GABRA5: variants seen among roughly 807,000 people sequenced by gnomAD.
The protein encoded by GABRA5 is gamma-aminobutyric acid receptor subunit alpha-5.
A neutral mutation model predicts 47.3 loss-of-function variants in GABRA5; 18 were observed. That is an observed-to-expected ratio of 0.38 (90% CI 0.26 to 0.56). The LOEUF (loss-of-function observed/expected upper bound fraction) is 0.56, where lower values mean the gene tolerates loss of function less well. Among genes scored for constraint, GABRA5 ranks in the 20% least tolerant of loss-of-function variants. The pLI, the probability that GABRA5 is intolerant of heterozygous loss-of-function variation, is 0.71. For missense variants in GABRA5, 365 were observed against 599.3 expected, an observed-to-expected ratio of 0.61 and a Z score of 4.08; for synonymous variants, 237 against 229.3, an observed-to-expected ratio of 1.03 and a Z score of -0.30.
At chr15:26,939,280 G>A (rs964156590) in intron 8 of GABRA5, 7 of 765,220 alleles carry the variant, frequency 9.1e-6, no homozygotes, top group Non-Finnish European at 1.7e-5. Flanking sequence ...ATGAATGGGA[G>A]GTCTCCTCGT....
chr15:26,919,922 T>G (rs1350511919), intron 7 of GABRA5, among the ~76,000 whole-genome samples: 1 of 151,608 alleles, frequency 6.6e-6, no homozygotes, highest in Non-Finnish European at 1.5e-5. Flanking sequence ...TGAATGTGTT[T>G]TATCATTCCC....
rs998685237 is a variant in GABRA5, at chr15:26,912,740, A to G, written c.498-2063A>G. Reference sequence around the variant, plus strand: ...TTCTGTTCTAGTGTTAGGTATAAACAAGACTGACTTTTATATACCAAGAAT... The same window carrying G: ...TTCTGTTCTAGTGTTAGGTATAAACGAGACTGACTTTTATATACCAAGAAT... On this transcript the variant is annotated intron_variant, in intron 6 of 10. Coordinates refer to ENST00000335625, the MANE Select transcript of GABRA5 (RefSeq NM_000810.4). Among the ~76,000 whole-genome samples, 11 of 152,382 alleles carry G rather than the reference A, an allele frequency of 7.2e-5. No individual in the cohort carries two copies. The East Asian group carries it at 2.1e-3, about 29-fold the overall frequency.
chr15:26,870,829 C>A (rs1892449369), intron 3 of GABRA5, among the ~76,000 whole-genome samples: 1 of 152,186 alleles, frequency 6.6e-6, no homozygotes, highest in Admixed American at 6.5e-5. Context: ...GTTTGATATA[C>A]CGCATATATT....
intron 6 of GABRA5, among the ~76,000 whole-genome samples, chr15:26,895,736 C>G (rs1045111791): frequency 1.6e-4 from 24 of 149,902 alleles, no homozygotes; most frequent in East Asian, 2.0e-4. Context: ...TCGCTTGAAC[C>G]CGGGAGGCGG....
chr15:26,882,310 C>T (rs575534559), intron 4 of GABRA5, among the ~76,000 whole-genome samples: 242 of 152,288 alleles, frequency 1.6e-3, no homozygotes, highest in Middle Eastern at 3.4e-3. Context: ...GAGACAGGCA[C>T]ACTGCATCAT....
intron 3 of GABRA5, among the ~76,000 whole-genome samples, chr15:26,869,804 C>T (rs1452784494): frequency 6.6e-6 from 1 of 152,238 alleles, no homozygotes; most frequent in Non-Finnish European, 1.5e-5. Flanking sequence ...TGGCCTGAGC[C>T]AAGGCCCTAG....
At chr15:26,890,511 G>A (rs1892981438) in intron 6 of GABRA5, among the ~76,000 whole-genome samples, 1 of 147,324 alleles carries the variant, frequency 6.8e-6, no homozygotes, top group Admixed American at 6.9e-5. Flanking sequence ...TGTTCCCAAG[G>A]TTGGAGACAT....
chr15:26,914,838 AG>A lies in GABRA5; in HGVS notation c.535del (p.Asp179ThrfsTer11). On this transcript the variant is annotated frameshift_variant, in exon 7 of 11. Coordinates refer to ENST00000335625, the MANE Select transcript of GABRA5 (RefSeq NM_000810.4). LOFTEE classifies it high-confidence loss of function. ...TISAECPMQL[E>X]DFPMDAHACP... is the part of the protein sequence containing the mutation. ...TCTGCAGAGTGCCCCATGCAGCTTG[AG>A]GACTTCCCGATGGATGCGCACGCTT... is the stretch of plus-strand genomic sequence containing the variant. The A allele has an allele frequency of 6.2e-7, 1 of 1,614,006 alleles. No individual in the cohort carries two copies. Among genetic ancestry groups the A allele is most frequent in the Non-Finnish European group, 8.5e-7 (1 of 1,179,892 alleles).
intron 6 of GABRA5, among the ~76,000 whole-genome samples, chr15:26,905,321 C>G (rs1361459554): frequency 6.6e-6 from 1 of 151,874 alleles, no homozygotes; most frequent in Admixed American, 6.6e-5. Context: ...TTCCTCCCAC[C>G]ACCTCTGGGC....
At chr15:26,908,159 A>G (rs1467702670) in intron 6 of GABRA5, among the ~76,000 whole-genome samples, 1 of 152,130 alleles carries the variant, frequency 6.6e-6, no homozygotes, top group Admixed American at 6.5e-5. Context: ...TTTTAATTGA[A>G]TATTTGGATC....
chr15:26,893,358 T>C (rs1893073562), intron 6 of GABRA5, among the ~76,000 whole-genome samples: 7 of 17,122 alleles, frequency 4.1e-4, no homozygotes, highest in East Asian at 4.1e-3. Context: ...TGTGTGTGTA[T>C]GGTGTGTAGC....
intron 6 of GABRA5, among the ~76,000 whole-genome samples, chr15:26,893,568 T>C (rs1027125347): frequency 4.6e-5 from 7 of 151,672 alleles, no homozygotes; most frequent in Admixed American, 2.0e-4. Context: ...TCGGGCTGCC[T>C]AGGGCTCCCC....
At chr15:26,945,734 A>T (rs1894494454) in intron 10 of GABRA5, among the ~76,000 whole-genome samples, 1 of 152,164 alleles carries the variant, frequency 6.6e-6, no homozygotes, top group Non-Finnish European at 1.5e-5. Context: ...TCCTTCTGGC[A>T]AGGCGGATTC....
chr15:26,878,495 G>A (rs1892651256), intron 3 of GABRA5, among the ~76,000 whole-genome samples: 1 of 151,628 alleles, frequency 6.6e-6, no homozygotes, highest in East Asian at 2.0e-4. Flanking sequence ...TCCAGCTCAT[G>A]AAAAAACAAA....
intron 7 of GABRA5, 103 bp downstream of exon 7, chr15:26,914,988 G>A (rs1407835040): frequency 1.1e-6 from 1 of 885,238 alleles, no homozygotes; most frequent in African/African-American, 1.6e-5. Context: ...AGCACAATAG[G>A]ATGCAGTCTG....
chr15:26,910,522 C>T lies in GABRA5; in HGVS notation c.498-4281C>T, dbSNP rs1033624633. Among the ~76,000 whole-genome samples, 7 of 151,696 alleles carry T rather than the reference C, an allele frequency of 4.6e-5. No individual in the cohort carries two copies. The South Asian group carries it at 1.5e-3, about 32-fold the overall frequency. ...GGCTGGGGCAGGAAAAGAGCTTGAA[C>T]CTGGGAGGTGGAGGTTGCAGTGAGC... On this transcript the variant is annotated intron_variant, in intron 6 of 10. Transcript: ENST00000335625.
chr15:26,946,918 GT>G (rs1894525658), intron 10 of GABRA5, among the ~76,000 whole-genome samples: 2 of 152,174 alleles, frequency 1.3e-5, no homozygotes, highest in Non-Finnish European at 2.9e-5. Flanking sequence ...TCATGCAAAG[GT>G]AGGTCACTCA....
intron 10 of GABRA5, among the ~76,000 whole-genome samples, chr15:26,946,433 GTTT>G (rs56708714): frequency 0.01 from 1,490 of 144,902 alleles, 20 homozygotes; most frequent in African/African-American, 0.036. Flanking sequence ...CAATTTATCT[GTTT>G]TTTTTTTTTT....
intron 6 of GABRA5, among the ~76,000 whole-genome samples, chr15:26,906,996 T>C (rs983832049): frequency 2.0e-5 from 3 of 152,212 alleles, no homozygotes; most frequent in Non-Finnish European, 4.4e-5. Context: ...TTCTTTTCAG[T>C]GGCCAAAGAG....
Sources: gnomAD v4.1 joint callset for allele counts (sites outside exome capture counted in the v4.1 genomes callset) on GRCh38, gnomAD v4.1.1 for gene constraint, MANE v1.5 for transcripts, NCBI Gene and HGNC (gene_info 2026-07-23, HGNC 2026-07-21) for gene names.